The following AMTN variants were observed in gnomAD, a reference collection of about 807,000 sequenced individuals.
The protein encoded by AMTN is amelotin.
A neutral mutation model predicts 27.4 loss-of-function variants in AMTN; 29 were observed. The observed-to-expected ratio is 1.06, with a 90% confidence interval of 0.79 to 1.44. The LOEUF is 1.44. AMTN is among the 40% of genes most tolerant of loss of function. AMTN has a pLI of 0.00. For synonymous variants in AMTN, 86 were observed against 95.7 expected (o/e 0.90, Z 0.59); for missense variants, 247 against 248.8 (o/e 0.99, Z 0.05).
chr4:70,531,319 G>A lies in AMTN; in HGVS notation c.619+19G>A. On this transcript the variant is annotated intron_variant, in intron 8 of 8. Transcript: ENST00000339336. ...GCAAATGGTAAATTCTCCTAGCTTG[G>A]AACATGCTTCTTGGCTATAAAAGTC... 6.2e-7 allele frequency: 1 copy of A among 1,612,362 alleles called. No homozygotes were observed. The highest frequency in any genetic ancestry group is 8.5e-7 in the Non-Finnish European group (1 of 1,178,612).
chr4:70,520,463 T>C (rs1224494641), intron 2 of AMTN, among the ~76,000 whole-genome samples: 3 of 152,168 alleles, frequency 2.0e-5, no homozygotes, highest in African/African-American at 7.2e-5. Flanking sequence ...AGGTACCAGA[T>C]GGAAAACACA....
chr4:70,519,110 G>A (rs187880163), intron 2 of AMTN, among the ~76,000 whole-genome samples: 103 of 152,308 alleles, frequency 6.8e-4, no homozygotes, highest in Admixed American at 6.6e-3. Context: ...AAAAATGAAT[G>A]TGTTAAGTGG....
intron 2 of AMTN, among the ~76,000 whole-genome samples, chr4:70,521,469 C>T (rs1340045987): frequency 6.7e-6 from 1 of 149,126 alleles, no homozygotes; most frequent in East Asian, 2.0e-4. Context: ...CAAGATTAGA[C>T]CATCATTTTC....
chr4:70,522,260 A>G (rs997144775), intron 2 of AMTN, among the ~76,000 whole-genome samples: 3 of 152,210 alleles, frequency 2.0e-5, no homozygotes, highest in African/African-American at 7.2e-5. Context: ...CTAAAAATTC[A>G]GTGATTTTTA....
At chr4:70,524,734 T>C in intron 4 of AMTN, 138 bp from the exon 5 acceptor site, 1 of 771,942 alleles carries the variant, frequency 1.3e-6, no homozygotes, top group Non-Finnish European at 2.2e-6. Context: ...TGTCTAAGTA[T>C]ACATGCAATA....
chr4:70,522,767 G>T lies in AMTN; in HGVS notation c.67G>T (p.Ala23Ser). The T allele has an allele frequency of 1.2e-6, 2 of 1,613,980 alleles. No homozygotes were observed. The highest frequency in any genetic ancestry group is 1.7e-6 in the Non-Finnish European group (2 of 1,179,904). The change falls in exon 3 of 9, where the codon GCT (alanine) becomes TCT (serine). Residue 23 changes from alanine (A) to serine (S), a missense_variant. Transcript: ENST00000339336. The part of the protein sequence containing the change: ...STRSLPQLKP[A>S]LGLPPTKLAP... ...GTTTTCACAAAAGCAGCTCAAACCT[G>T]CTTTGGGACTCCCTCCCACAAAACT... is the stretch of plus-strand genomic sequence containing the variant.
intron 5 of AMTN, 133 bp downstream of exon 5, chr4:70,525,094 C>T: frequency 1.4e-6 from 1 of 725,488 alleles, no homozygotes. Context: ...TTCTGCTGAA[C>T]ATAGACCAGT....
intron 4 of AMTN, 22 bp from the exon 5 acceptor site, chr4:70,524,850 A>T: frequency 6.2e-7 from 1 of 1,608,202 alleles, no homozygotes; most frequent in Non-Finnish European, 8.5e-7. Flanking sequence ...ATACAATGAA[A>T]GTCTTCTTCC....
intron 7 of AMTN, among the ~76,000 whole-genome samples, chr4:70,530,090 G>T (rs1736188748): frequency 6.6e-6 from 1 of 152,040 alleles, no homozygotes; most frequent in Non-Finnish European, 1.5e-5. Context: ...AGTAATTTAG[G>T]CCTCAAAGGC....
rs1201627324 is a variant in AMTN, at chr4:70,531,202, C to T, written c.521C>T (p.Thr174Ile). Residue 174 changes from threonine to isoleucine, a missense_variant, in exon 8 of 9, where the codon ACT (threonine) becomes ATT (isoleucine). Coordinates refer to ENST00000339336, the MANE Select transcript of AMTN (RefSeq NM_212557.4). ...GGAACCCCAGCAGGCCGCCTCCCAA[C>T]TCCCAGTGGCACAGATGACGACTTT... The part of the protein sequence containing the change: ...TQGTPAGRLP[T>I]PSGTDDDFAV... The T allele has an allele frequency of 6.2e-7, 1 of 1,614,098 alleles. No individual in the cohort carries two copies. The highest frequency in any genetic ancestry group is 8.5e-7 in the Non-Finnish European group (1 of 1,180,012).
At chr4:70,529,056 A>G (rs1736158451) in intron 6 of AMTN, 128 bp from the exon 7 acceptor site, 1 of 858,728 alleles carries the variant, frequency 1.2e-6, no homozygotes, top group Non-Finnish European at 1.7e-6. Context: ...GCAGTTTAAC[A>G]TATTATTGGA....
intron 4 of AMTN, among the ~76,000 whole-genome samples, chr4:70,524,450 C>T (rs1290986694): frequency 6.6e-6 from 1 of 152,150 alleles, no homozygotes; most frequent in Non-Finnish European, 1.5e-5. Flanking sequence ...TTAAATATAG[C>T]TCATGTTCCA....
chr4:70,525,018 A>C, intron 5 of AMTN, 57 bp downstream of exon 5: 1 of 1,520,608 alleles, frequency 6.6e-7, no homozygotes, highest in Admixed American at 1.8e-5. Flanking sequence ...CTCTCAGGTG[A>C]AAGCCTACAG....
At chr4:70,523,581 T>C (rs1421880278) in intron 3 of AMTN, among the ~76,000 whole-genome samples, 2 of 152,214 alleles carry the variant, frequency 1.3e-5, no homozygotes, top group African/African-American at 2.4e-5. Context: ...AAATTCGATA[T>C]GTAAAATTAA....
At chr4:70,522,347 A>G (rs4526042) in intron 2 of AMTN, among the ~76,000 whole-genome samples, 27,504 of 152,104 alleles carry the variant, frequency 0.18, 2,784 homozygotes, top group African/African-American at 0.26. Flanking sequence ...GCATGGCAAT[A>G]GTGGGAAGCT....
At chr4:70,519,281 G>A (rs950141413) in intron 2 of AMTN, among the ~76,000 whole-genome samples, 8 of 152,034 alleles carry the variant, frequency 5.3e-5, no homozygotes, top group African/African-American at 1.7e-4. Flanking sequence ...GATATCAAAG[G>A]CATATGATTA....
rs1362484029 is a variant in AMTN, at chr4:70,528,746, A to G, written c.318A>G (p.Gln106=). 16 of 1,599,812 alleles carry G rather than the reference A, an allele frequency of 1.0e-5. No homozygotes were observed. Among genetic ancestry groups the G allele is most frequent in the Non-Finnish European group, 1.3e-5 (15 of 1,175,856 alleles). Reference sequence around the variant, plus strand: ...AGGTGTTACCAATTTTTGTCACACAACTTGGAGCCCAGGTAAAAATTATGC... The same window carrying G: ...AGGTGTTACCAATTTTTGTCACACAGCTTGGAGCCCAGGTAAAAATTATGC... ...HPHVLPIFVT[Q]LGAQGTILSS... The change falls in exon 6 of 9, where the codon CAA becomes CAG. Residue 106 remains glutamine, a synonymous_variant. Transcript: ENST00000339336.
Position 70,528,613 on chromosome 4 carries a change from G to T in AMTN, c.295-110G>T, listed in dbSNP as rs1432088287. On this transcript the variant is annotated intron_variant, in intron 5 of 8. Coordinates refer to ENST00000339336, the MANE Select transcript of AMTN (RefSeq NM_212557.4). ...TGCAGTGAGCCAAGACCATGCCACT[G>T]CACTCCAGCCTGGGCAACAGAGCAA... is the stretch of plus-strand genomic sequence containing the variant. 6.9e-6 allele frequency: 6 copies of T among 868,864 alleles called. No homozygotes were observed. In the African/African-American group the frequency reaches 1.0e-4, roughly 15 times the overall value. The allele number at this position is 868,864 out of a possible 1,614,324, so 53.8% of individuals were successfully genotyped here. A position where few individuals can be genotyped will look rare whatever the true frequency, so the allele number is the denominator to read the frequency against.
intron 2 of AMTN, among the ~76,000 whole-genome samples, chr4:70,519,934 C>CTG (rs1369159393): frequency 1.2e-3 from 162 of 133,124 alleles, no homozygotes; most frequent in African/African-American, 4.3e-3. Context: ...GTGTGTGTGT[C>CTG]TGTGTGTGTG....
Sources: allele counts gnomAD v4.1 joint callset (sites outside exome capture counted in the v4.1 genomes callset), GRCh38; gene constraint gnomAD v4.1.1; transcripts MANE v1.5; gene names NCBI Gene and HGNC (gene_info 2026-07-23, HGNC 2026-07-21).